The following VLDLR variants were observed in gnomAD, a reference collection of about 807,000 sequenced individuals.
VLDLR encodes the protein very low density lipoprotein receptor, also known as very low-density lipoprotein receptor.
VLDLR carries 81 observed loss-of-function variants against 112.7 expected under a neutral mutation model. The ratio of observed to expected loss-of-function variants is 0.72; its 90% CI spans 0.60 to 0.86. The LOEUF (loss-of-function observed/expected upper bound fraction) is 0.86. Among genes scored for constraint, VLDLR ranks in the 40% least tolerant of loss-of-function variants. The pLI is 0.00. For missense variants in VLDLR, 1,237 were observed against 1,099.4 expected, an observed-to-expected ratio of 1.13 and a Z score of -1.77; for synonymous variants, 436 against 384.8, an observed-to-expected ratio of 1.13 and a Z score of -1.56.
chr9:2,641,648 A>G, intron 4 of VLDLR, 149 bp downstream of exon 4: 1 of 1,211,286 alleles, frequency 8.3e-7, no homozygotes, highest in Non-Finnish European at 1.2e-6. Context: ...TGTCCTTCAT[A>G]ACTGCCCTAA....
Position 2,651,400 on chromosome 9 carries a change from G to A in VLDLR, c.2252-15G>A. 6.2e-7 allele frequency: 1 copy of A among 1,612,500 alleles called. No individual in the cohort carries two copies. The highest frequency in any genetic ancestry group is 8.5e-7 in the Non-Finnish European group (1 of 1,178,800). ...AACCCTGGCATTAACCAGGTTCTTG[G>A]TTTTTATAATTCAGGTACTGCAACT... On this transcript the variant is annotated splice_polypyrimidine_tract_variant and intron_variant, in intron 15 of 18. Coordinates refer to ENST00000382100, the MANE Select transcript of VLDLR (RefSeq NM_003383.5).
chr9:2,643,204 C>T lies in VLDLR; in HGVS notation c.493C>T (p.Arg165Cys), dbSNP rs752240819. 5.0e-6 allele frequency: 8 copies of T among 1,613,820 alleles called. No individual in the cohort carries two copies. The highest frequency in any genetic ancestry group is 5.9e-6 in the Non-Finnish European group (7 of 1,180,034). ...CGACGAGTTCACCTGCTCCAGTGGC[C>T]GCTGCATCTCCAGGAACTTTGTATG... ...SPDEFTCSSG[R>C]CISRNFVCNG... Residue 165 changes from arginine to cysteine, a missense_variant, in exon 5 of 19, where the codon CGC (arginine) becomes TGC (cysteine). Physicochemically the swap from Arg to Cys is radical, Grantham distance 180. Coordinates refer to ENST00000382100, the MANE Select transcript of VLDLR (RefSeq NM_003383.5).
At position 2,659,623 on chromosome 9, in the gene VLDLR, C is replaced by G. The variant is rs1818729123; in HGVS notation, c.*5755C>G. On this transcript the variant is annotated 3_prime_UTR_variant, in exon 19 of 19. Transcript: ENST00000382100. ...TGGGAGAAAACAAACTGTACCACAACAAATCTTAAGTTTCAAGGCTCTCCT... is the reference window on the plus strand; with the variant it reads ...TGGGAGAAAACAAACTGTACCACAAGAAATCTTAAGTTTCAAGGCTCTCCT... The G allele has an allele frequency of 6.6e-6, 1 of 152,226 alleles. No homozygotes were observed. The highest frequency in any genetic ancestry group is 2.4e-5 in the African/African-American group (1 of 41,454). 9.4% of individuals were successfully genotyped at this position (152,226 alleles called of 1,614,324 possible).
intron 14 of VLDLR, among the ~76,000 whole-genome samples, chr9:2,649,331 C>G (rs188817975): frequency 2.0e-5 from 3 of 152,252 alleles, no homozygotes; most frequent in African/African-American, 4.8e-5. Flanking sequence ...TGCTCTTCCC[C>G]CTTTGTCTCT....
intron 15 of VLDLR, among the ~76,000 whole-genome samples, chr9:2,651,069 T>G (rs1413649344): frequency 6.6e-6 from 1 of 152,154 alleles, no homozygotes; most frequent in Non-Finnish European, 1.5e-5. Flanking sequence ...ACCAAGAAAT[T>G]AGTTGCAAGA....
Position 2,651,942 on chromosome 9 carries a change from A to T in VLDLR, c.2404A>T (p.Ile802Phe), listed in dbSNP as rs748800533. ...PPKGTSAAWA[I>F]LPLLLLVMAA... ...AAAAGGGACTTCTGCCGCATGGGCC[A>T]TTCTTCCTCTCTGTAAGTAGATTTC... is the stretch of plus-strand genomic sequence containing the variant. The change falls in exon 17 of 19, where the codon ATT (isoleucine) becomes TTT (phenylalanine). Residue 802 changes from isoleucine (I) to phenylalanine (F), a missense_variant. By Grantham distance (21) the Ile-to-Phe change is conservative. Coordinates refer to ENST00000382100, the MANE Select transcript of VLDLR (RefSeq NM_003383.5). The T allele has an allele frequency of 1.2e-5, 20 of 1,613,950 alleles. No individual in the cohort carries two copies. Among genetic ancestry groups the T allele is most frequent in the Non-Finnish European group, 1.7e-5 (20 of 1,179,964 alleles).
Position 2,651,951 on chromosome 9 carries a change from C to T in VLDLR, c.2413C>T (p.Leu805Phe), listed in dbSNP as rs1487576359. 2 of 1,613,906 alleles carry T rather than the reference C, an allele frequency of 1.2e-6. No individual in the cohort carries two copies. The highest frequency in any genetic ancestry group is 1.3e-5 in the African/African-American group (1 of 74,910). Residue 805 changes from leucine (L) to phenylalanine (F), a missense_variant, in exon 17 of 19, where the codon CTC becomes TTC. By Grantham distance (22) the Leu-to-Phe change is conservative. Transcript: ENST00000382100. ...TTCTGCCGCATGGGCCATTCTTCCT[C>T]TCTGTAAGTAGATTTCCTACAAGTC... is the stretch of plus-strand genomic sequence containing the variant. Reference protein sequence around the residue: ...GTSAAWAILPLLLLVMAAVGG... With the variant: ...GTSAAWAILPFLLLVMAAVGG...
chr9:2,623,457 G>C (rs1343778750), intron 1 of VLDLR, among the ~76,000 whole-genome samples: 2 of 86,280 alleles, frequency 2.3e-5, no homozygotes, highest in Admixed American at 1.3e-4. Context: ...CCGTCGCCGG[G>C]TGGCTTCAGG....
chr9:2,649,905 A>G (rs1320139868), intron 14 of VLDLR, among the ~76,000 whole-genome samples: 2 of 152,164 alleles, frequency 1.3e-5, no homozygotes, highest in African/African-American at 2.4e-5. Context: ...ACATCGGGTT[A>G]TATTATCTCC....
chr9:2,645,221 T>A, intron 9 of VLDLR, 139 bp downstream of exon 9: 1 of 1,301,770 alleles, frequency 7.7e-7, no homozygotes, highest in Non-Finnish European at 1.1e-6. Flanking sequence ...AATACAGCAG[T>A]ATAGGTCAAA....
chr9:2,650,373 A>C lies in VLDLR; in HGVS notation c.2108A>C (p.Lys703Thr). Residue 703 changes from lysine to threonine, a missense_variant, in exon 15 of 19, where the codon AAA (lysine) becomes ACA (threonine). Lys to Thr is a moderately conservative substitution (Grantham distance 78). Coordinates refer to ENST00000382100, the MANE Select transcript of VLDLR (RefSeq NM_003383.5). ...VYHELVQPSGKNWCEEDMENG... is the reference protein window; with the variant it reads ...VYHELVQPSGTNWCEEDMENG... ...TGGTATTTTTTTTCCTGACTAGGTAAAAATTGGTGTGAAGAAGACATGGAG... is the reference window on the plus strand; with the variant it reads ...TGGTATTTTTTTTCCTGACTAGGTACAAATTGGTGTGAAGAAGACATGGAG... 6.2e-7 allele frequency: 1 copy of C among 1,614,108 alleles called. No homozygotes were observed. The highest frequency in any genetic ancestry group is 8.5e-7 in the Non-Finnish European group (1 of 1,180,018).
chr9:2,655,939 C>CA lies in VLDLR; in HGVS notation c.*2077dup, dbSNP rs1268335732. ...CTGCTGCTCTGACCCTGCTGTGGTA[C>CA]AAAAAACATGGATTTTTTTTTTTTT... On this transcript the variant is annotated 3_prime_UTR_variant, in exon 19 of 19. Coordinates refer to ENST00000382100, the MANE Select transcript of VLDLR (RefSeq NM_003383.5). 3.4e-5 allele frequency: 5 copies of CA among 148,796 alleles called. No homozygotes were observed. The highest frequency in any genetic ancestry group is 7.7e-5 in the African/African-American group (3 of 38,804). The allele number at this position is 148,796 out of a possible 1,614,324, so 9.2% of individuals were successfully genotyped here.
At chr9:2,644,920 A>G in intron 8 of VLDLR, 37 bp from the exon 9 acceptor site, 2 of 1,614,168 alleles carry the variant, frequency 1.2e-6, no homozygotes, top group Non-Finnish European at 1.7e-6. Flanking sequence ...CTAGTAAGGT[A>G]TAGGAGCAGC....
At chr9:2,639,279 A>G (rs1291076260) in intron 2 of VLDLR, among the ~76,000 whole-genome samples, 1 of 152,036 alleles carries the variant, frequency 6.6e-6, no homozygotes, top group East Asian at 2.0e-4. Context: ...GATAACAAAG[A>G]GAGAGAGAGT....
At chr9:2,647,643 T>C in intron 12 of VLDLR, 51 bp downstream of exon 12, 1 of 1,477,564 alleles carries the variant, frequency 6.8e-7, no homozygotes, top group Non-Finnish European at 9.5e-7. Flanking sequence ...TTCATAGTGT[T>C]TCCATTTATC....
chr9:2,651,719 C>T (rs1187722414), intron 16 of VLDLR, among the ~76,000 whole-genome samples, 155 bp from the exon 17 acceptor site: 1 of 152,226 alleles, frequency 6.6e-6, no homozygotes, highest in Non-Finnish European at 1.5e-5. Flanking sequence ...GCATGTGACT[C>T]AAATACTTCT....
intron 7 of VLDLR, among the ~76,000 whole-genome samples, chr9:2,644,200 C>T (rs893020555): frequency 7.0e-6 from 1 of 143,688 alleles, no homozygotes; most frequent in African/African-American, 2.6e-5. Context: ...CTCTTGTTGC[C>T]CAGGCTGGAG....
Position 2,646,499 on chromosome 9 carries a change from G to T in VLDLR, c.1650G>T (p.Leu550=), listed in dbSNP as rs753725484. ...ATLDGTKRKF[L]FNSDLREPAS... is the part of the protein sequence containing the mutation. ...TAGATGGAACCAAGAGGAAGTTCCT[G>T]TTTAACTCTGACTTGCGAGAGCCTG... The change falls in exon 11 of 19, where the codon CTG becomes CTT. Residue 550 remains leucine, a synonymous_variant. Transcript: ENST00000382100. 1.9e-5 allele frequency: 30 copies of T among 1,614,042 alleles called. No homozygotes were observed. The African/African-American group carries it at 3.1e-4, about 17-fold the overall frequency.
chr9:2,651,333 C>T, intron 15 of VLDLR, 82 bp from the exon 16 acceptor site: 1 of 1,236,514 alleles, frequency 8.1e-7, no homozygotes, highest in Non-Finnish European at 1.2e-6. Context: ...TTAAAATAAC[C>T]TTTTACATGG....
Sources: allele counts gnomAD v4.1 joint callset (sites outside exome capture counted in the v4.1 genomes callset), GRCh38; gene constraint gnomAD v4.1.1; transcripts MANE v1.5; gene names NCBI Gene and HGNC (gene_info 2026-07-23, HGNC 2026-07-21).